Variants in KCNQ5 observed in about 807,000 individuals in gnomAD.
KCNQ5 encodes the protein potassium voltage-gated channel subfamily KQT member 5.
In KCNQ5, 30 loss-of-function variants were observed where a neutral mutation model predicts 98.2. The ratio of observed to expected loss-of-function variants is 0.31; its 90% confidence interval spans 0.23 to 0.41. The LOEUF is 0.41. KCNQ5 is among the 10% of genes least tolerant of loss of function. The pLI is 1.00. For synonymous variants in KCNQ5, 458 were observed against 449.4 expected (o/e 1.02, Z -0.24); for missense variants, 835 against 1,182.5 (o/e 0.71, Z 4.31).
intron 10 of KCNQ5, among the ~76,000 whole-genome samples, chr6:73,152,948 G>A (rs1777213215): frequency 6.6e-6 from 1 of 152,136 alleles, no homozygotes; most frequent in Non-Finnish European, 1.5e-5. Flanking sequence ...CCAGCTTTTG[G>A]TTTAATACCT....
chr6:72,939,723 C>A (rs529174549), intron 1 of KCNQ5, among the ~76,000 whole-genome samples: 2 of 152,294 alleles, frequency 1.3e-5, no homozygotes, highest in South Asian at 4.2e-4. Flanking sequence ...TTGATGCAAG[C>A]CTGCAAATCA....
chr6:73,010,365 C>G (rs1770005685), intron 2 of KCNQ5, among the ~76,000 whole-genome samples: 1 of 151,898 alleles, frequency 6.6e-6, no homozygotes, highest in African/African-American at 2.4e-5. Context: ...AAAACTACCT[C>G]AACATGATAA....
chr6:72,788,997 C>A (rs1274757768), intron 1 of KCNQ5, among the ~76,000 whole-genome samples: 3 of 152,132 alleles, frequency 2.0e-5, no homozygotes, highest in Non-Finnish European at 2.9e-5. Flanking sequence ...TACTTTTAAC[C>A]TTTAAATACC....
chr6:72,975,257 A>C (rs1448370793), intron 1 of KCNQ5, among the ~76,000 whole-genome samples: 1 of 151,444 alleles, frequency 6.6e-6, no homozygotes, highest in Non-Finnish European at 1.5e-5. Context: ...TTTTGGTCAC[A>C]AAAAAAAGCT....
chr6:72,971,684 T>C (rs1767908042), intron 1 of KCNQ5, among the ~76,000 whole-genome samples: 1 of 152,188 alleles, frequency 6.6e-6, no homozygotes, highest in Admixed American at 6.5e-5. Flanking sequence ...TCATGTCCTT[T>C]GTAGGGACAT....
chr6:72,962,401 T>C, intron 1 of KCNQ5, among the ~76,000 whole-genome samples: 1 of 151,462 alleles, frequency 6.6e-6, no homozygotes, highest in East Asian at 1.9e-4. Context: ...CAACATACAT[T>C]ACTCAAGTGA....
At chr6:73,089,110 G>A (rs1202512462) in intron 5 of KCNQ5, among the ~76,000 whole-genome samples, 2 of 152,136 alleles carry the variant, frequency 1.3e-5, no homozygotes, top group Non-Finnish European at 2.9e-5. Flanking sequence ...CCTTTATTCA[G>A]TAAATATATA....
At chr6:72,793,418 C>T (rs748448241) in intron 1 of KCNQ5, among the ~76,000 whole-genome samples, 4 of 152,082 alleles carry the variant, frequency 2.6e-5, no homozygotes, top group African/African-American at 4.8e-5. Context: ...GTTGCAGTTG[C>T]GAGGATTCTG....
intron 3 of KCNQ5, among the ~76,000 whole-genome samples, chr6:73,071,625 C>T (rs1257308588): frequency 6.6e-6 from 1 of 152,150 alleles, no homozygotes; most frequent in East Asian, 1.9e-4. Context: ...GTGGGGCCAA[C>T]ATGTGCTGAG....
chr6:72,858,763 G>T (rs1056716028), intron 1 of KCNQ5, among the ~76,000 whole-genome samples: 5 of 151,952 alleles, frequency 3.3e-5, no homozygotes, highest in African/African-American at 4.8e-5. Flanking sequence ...TATCTTGATT[G>T]TGGTGGTGGT....
chr6:72,856,759 A>G (rs1207624860), intron 1 of KCNQ5, among the ~76,000 whole-genome samples: 1 of 152,228 alleles, frequency 6.6e-6, no homozygotes, highest in Non-Finnish European at 1.5e-5. Flanking sequence ...TTGATTGATG[A>G]AAGTGCCCAG....
intron 1 of KCNQ5, among the ~76,000 whole-genome samples, chr6:72,689,664 T>C (rs973839120): frequency 6.6e-6 from 1 of 152,232 alleles, no homozygotes; most frequent in Non-Finnish European, 1.5e-5. Flanking sequence ...TGGTAAAAGT[T>C]TTAAAATTAT....
chr6:73,117,805 T>C (rs1410673778), intron 7 of KCNQ5, among the ~76,000 whole-genome samples: 1 of 152,220 alleles, frequency 6.6e-6, no homozygotes, highest in Non-Finnish European at 1.5e-5. Context: ...GTGTTTTCCT[T>C]AATTATTCTA....
chr6:72,972,502 C>A (rs1204079753), intron 1 of KCNQ5, among the ~76,000 whole-genome samples: 1 of 150,560 alleles, frequency 6.6e-6, no homozygotes. Flanking sequence ...TCACCCCCTA[C>A]CCCCCAACAA....
intron 10 of KCNQ5, among the ~76,000 whole-genome samples, chr6:73,149,712 G>T (rs1203897526): frequency 6.6e-6 from 1 of 151,378 alleles, no homozygotes; most frequent in African/African-American, 2.4e-5. Context: ...CGGAAGAATC[G>T]TTTGAACCTG....
intron 1 of KCNQ5, among the ~76,000 whole-genome samples, chr6:72,728,260 A>G (rs1770387228): frequency 6.6e-6 from 1 of 151,658 alleles, no homozygotes; most frequent in Non-Finnish European, 1.5e-5. Context: ...CTTCTGTCTC[A>G]TTTTGTATAT....
At chr6:72,893,161 A>G (rs1779119912) in intron 1 of KCNQ5, among the ~76,000 whole-genome samples, 1 of 152,136 alleles carries the variant, frequency 6.6e-6, no homozygotes, top group Non-Finnish European at 1.5e-5. Context: ...AACCTTTTTG[A>G]TGTAAGGACT....
At chr6:73,151,167 T>C (rs1777132971) in intron 10 of KCNQ5, among the ~76,000 whole-genome samples, 1 of 152,176 alleles carries the variant, frequency 6.6e-6, no homozygotes, top group African/African-American at 2.4e-5. Flanking sequence ...TTTAAAATAA[T>C]AAAAGTCAAA....
At chr6:72,986,947 G>T (rs538855287) in intron 1 of KCNQ5, 5 of 836,328 alleles carry the variant, frequency 6.0e-6, no homozygotes, top group Admixed American at 2.1e-5. Context: ...GGCAGATAAC[G>T]GAAGCAGAAG....
Sources: allele counts gnomAD v4.1 joint callset (sites outside exome capture counted in the v4.1 genomes callset), GRCh38; gene constraint gnomAD v4.1.1; transcripts MANE v1.5; gene names NCBI Gene and HGNC (gene_info 2026-07-23, HGNC 2026-07-21).